Variants in NAMPT observed in about 807,000 individuals in gnomAD.
NAMPT encodes the protein NAmPRTase.
NAMPT carries 7 observed loss-of-function variants against 58.7 expected under a neutral mutation model. The ratio of observed to expected loss-of-function variants is 0.12; its 90% CI spans 0.07 to 0.22. The LOEUF (loss-of-function observed/expected upper bound fraction) is 0.22, where lower values mean the gene tolerates loss of function less well. Among genes scored for constraint, NAMPT ranks in the 10% least tolerant of loss-of-function variants. NAMPT has a pLI of 1.00. For missense variants in NAMPT, 271 were observed against 567.9 expected (o/e 0.48, Z 5.31); for synonymous variants, 145 against 198.1 (o/e 0.73, Z 2.25).
intron 2 of NAMPT, chr7:106,275,677 G>T (rs992750798): frequency 2.0e-5 from 3 of 152,186 alleles, no homozygotes; most frequent in Non-Finnish European, 4.4e-5. Flanking sequence ...TAAGTTGTAT[G>T]ACTAAATTAA....
At chr7:106,252,816 T>C (rs1792126648) in intron 10 of NAMPT, among the ~76,000 whole-genome samples, 1 of 152,160 alleles carries the variant, frequency 6.6e-6, no homozygotes, top group African/African-American at 2.4e-5. Context: ...TTTCTCCCTA[T>C]GTATACACAG....
intron 8 of NAMPT, among the ~76,000 whole-genome samples, chr7:106,260,443 T>C (rs768865078): frequency 8.5e-5 from 13 of 152,234 alleles, no homozygotes; most frequent in Non-Finnish European, 1.6e-4. Flanking sequence ...TAAGGAAATG[T>C]TGTGGTTGCT....
At chr7:106,285,545 G>A, upstream of NAMPT, 3 of 986,058 alleles carry the variant, frequency 3.0e-6, no homozygotes, top group Non-Finnish European at 3.6e-6. Flanking sequence ...ACTCACCTTT[G>A]TCTCCGGCCT....
At position 106,253,154 on chromosome 7, in the gene NAMPT, GAA is replaced by G; in HGVS notation, c.1231-5_1231-4del. 2 of 1,610,308 alleles carry G rather than the reference GAA, an allele frequency of 1.2e-6. No individual in the cohort carries two copies. The highest frequency in any genetic ancestry group is 1.7e-6 in the Non-Finnish European group (2 of 1,178,496). ...ACTGGGTCCTTGAAGACGTTAATCT[GAA>G]ATCCAAATTAAGAAAGTTAGACAAG... On this transcript the variant is annotated splice_region_variant and splice_polypyrimidine_tract_variant and intron_variant, in intron 9 of 10. Transcript: ENST00000222553.
chr7:106,279,589 T>C (rs906393230), intron 1 of NAMPT, among the ~76,000 whole-genome samples: 5 of 152,220 alleles, frequency 3.3e-5, no homozygotes, highest in African/African-American at 1.2e-4. Context: ...ATTTTGAACC[T>C]TCACCAGAAA....
rs1792131796 is a variant in NAMPT at position 106,253,079 on chromosome 7, T to C, written c.1303A>G (p.Thr435Ala). ...SKKGRLSLHRTPAGNFVTLEE... is the reference protein window; with the variant it reads ...SKKGRLSLHRAPAGNFVTLEE... ...AGTGTAACAAAATTCCCTGCTGGCGTCCTATGTAAAGATAATCGGCCCTTT... is the reference window on the plus strand; with the variant it reads ...AGTGTAACAAAATTCCCTGCTGGCGCCCTATGTAAAGATAATCGGCCCTTT... The change falls in exon 10 of 11, where the codon ACG (threonine) becomes GCG (alanine). Residue 435 changes from threonine (T) to alanine (A), a missense_variant. By Grantham distance (58) the Thr-to-Ala change is moderately conservative. Around this residue, in one of 4 missense-constraint regions of NAMPT, gnomAD observed 143 missense variants for 331.1 expected, o/e 0.43. Transcript: ENST00000222553. The C allele has an allele frequency of 6.2e-7, 1 of 1,613,320 alleles. No homozygotes were observed. The highest frequency in any genetic ancestry group is 1.7e-5 in the Admixed American group (1 of 59,962).
At chr7:106,251,252 G>T in intron 10 of NAMPT, 59 bp from the exon 11 acceptor site, 1 of 1,131,696 alleles carries the variant, frequency 8.8e-7, no homozygotes, top group Non-Finnish European at 1.3e-6. Flanking sequence ...CCTGAATCCT[G>T]GTTTGATGAA....
chr7:106,270,434 T>C, intron 4 of NAMPT: 1 of 217,800 alleles, frequency 4.6e-6, no homozygotes, highest in East Asian at 1.5e-4. Flanking sequence ...AACCTTGAAC[T>C]TGCCAATCTA....
intron 1 of NAMPT, among the ~76,000 whole-genome samples, chr7:106,279,594 C>G (rs1317032167): frequency 6.6e-6 from 1 of 152,078 alleles, no homozygotes; most frequent in African/African-American, 2.4e-5. Context: ...GAACCTTCAC[C>G]AGAAAATTGG....
At chr7:106,259,431 TTTC>T (rs1792264475) in intron 8 of NAMPT, among the ~76,000 whole-genome samples, 1 of 152,140 alleles carries the variant, frequency 6.6e-6, no homozygotes, top group Non-Finnish European at 1.5e-5. Flanking sequence ...TAAGAATATA[TTTC>T]TTCTTTTTTT....
At chr7:106,280,166 T>G (rs753737798) in intron 1 of NAMPT, among the ~76,000 whole-genome samples, 1 of 151,936 alleles carries the variant, frequency 6.6e-6, no homozygotes, top group Non-Finnish European at 1.5e-5. Flanking sequence ...GACCAAAGAG[T>G]GCAGGAGTTA....
intron 1 of NAMPT, among the ~76,000 whole-genome samples, chr7:106,283,917 G>T (rs1475550575): frequency 6.6e-6 from 1 of 152,148 alleles, no homozygotes; most frequent in African/African-American, 2.4e-5. Flanking sequence ...CCACTATGCT[G>T]CTCAAGTAAA....
chr7:106,284,738 A>AACCCCCC, intron 1 of NAMPT, 90 bp downstream of exon 1: 17 of 485,998 alleles, frequency 3.5e-5, no homozygotes, highest in Non-Finnish European at 4.9e-5. Context: ...CCCAGCCCCA[A>AACCCCCC]CCCCAGCCCC....
intron 4 of NAMPT, among the ~76,000 whole-genome samples, chr7:106,271,652 C>T (rs1376365318): frequency 6.6e-6 from 1 of 152,008 alleles, no homozygotes; most frequent in African/African-American, 2.4e-5. Flanking sequence ...AATTTCCTGT[C>T]AACTTAGCAA....
chr7:106,283,801 C>T (rs1792810252), intron 1 of NAMPT, among the ~76,000 whole-genome samples: 1 of 151,950 alleles, frequency 6.6e-6, no homozygotes, highest in South Asian at 2.1e-4. Flanking sequence ...AAATGGAATT[C>T]TCTAAAATAC....
chr7:106,254,670 C>T (rs1208880797), intron 8 of NAMPT, among the ~76,000 whole-genome samples, 166 bp from the exon 9 acceptor site: 1 of 152,088 alleles, frequency 6.6e-6, no homozygotes, highest in Admixed American at 6.6e-5. Flanking sequence ...CACCCACCCC[C>T]AAAAGATGGA....
At chr7:106,282,967 G>C (rs1792794789) in intron 1 of NAMPT, among the ~76,000 whole-genome samples, 1 of 152,036 alleles carries the variant, frequency 6.6e-6, no homozygotes, top group Non-Finnish European at 1.5e-5. Flanking sequence ...ATGTAAAATA[G>C]GTTATAAGGA....
At chr7:106,274,459 T>C (rs569960775) in intron 3 of NAMPT, among the ~76,000 whole-genome samples, 4 of 152,134 alleles carry the variant, frequency 2.6e-5, no homozygotes, top group East Asian at 3.9e-4. Context: ...AAAGGATATA[T>C]TGGCTATAAT....
At chr7:106,251,224 A>G in intron 10 of NAMPT, 31 bp from the exon 11 acceptor site, 1 of 1,422,386 alleles carries the variant, frequency 7.0e-7, no homozygotes, top group Non-Finnish European at 9.9e-7. Flanking sequence ...TGATTATATT[A>G]CATTATTAAG....
Sources: gnomAD v4.1 joint callset for allele counts (sites outside exome capture counted in the v4.1 genomes callset) on GRCh38, gnomAD v4.1.1 for gene constraint, gnomAD v4.1.1 regional missense constraint, MANE v1.5 for transcripts, NCBI Gene and HGNC (gene_info 2026-07-23, HGNC 2026-07-21) for gene names.